The following CEP135 variants were observed in gnomAD, a reference collection of about 807,000 sequenced individuals.
CEP135 encodes the protein centrosomal protein of 135 kDa.
Under a neutral mutation model 157.3 loss-of-function variants are expected in CEP135, and 142 were observed. The observed-to-expected ratio is 0.90, with a 90% CI of 0.79 to 1.04. CEP135 has a LOEUF of 1.04. CEP135 is among the 50% of genes least tolerant of loss of function. The pLI, the probability that CEP135 is intolerant of heterozygous loss-of-function variation, is 0.00. For missense variants in CEP135, 1,317 were observed against 1,309.2 expected (o/e 1.01, Z -0.09); for synonymous variants, 396 against 439.8 (o/e 0.90, Z 1.25).
intron 24 of CEP135, among the ~76,000 whole-genome samples, chr4:56,021,762 T>C (rs1399635663): frequency 6.6e-6 from 1 of 152,220 alleles, no homozygotes; most frequent in Non-Finnish European, 1.5e-5. Flanking sequence ...TGGTGGCTCA[T>C]GCCTGCAATC....
At chr4:55,977,708 C>G (rs1043273575) in intron 11 of CEP135, among the ~76,000 whole-genome samples, 2 of 152,138 alleles carry the variant, frequency 1.3e-5, no homozygotes, top group East Asian at 1.9e-4. Flanking sequence ...ATTCTTTTAG[C>G]AATTTTGAAG....
In CEP135 at chr4:56,033,325, A is replaced by G. The variant is rs1731425585; in HGVS notation, c.*1977A>G. The G allele has an allele frequency of 2.6e-5, 4 of 152,182 alleles. No homozygotes were observed. In the South Asian group the frequency reaches 8.3e-4, roughly 32 times the overall value. The allele number at this position is 152,182 out of a possible 1,614,324, so 9.4% of individuals were successfully genotyped here. A position where few individuals can be genotyped will look rare whatever the true frequency, so the allele number is the denominator to read the frequency against. Reference sequence around the variant, plus strand: ...TGTTTTAAATAATTTTAAATTATGGAGCTTGACCTAGATTTGCCAATAAAC... The same window carrying G: ...TGTTTTAAATAATTTTAAATTATGGGGCTTGACCTAGATTTGCCAATAAAC... On this transcript the variant is annotated 3_prime_UTR_variant, in exon 26 of 26. Coordinates refer to ENST00000257287, the MANE Select transcript of CEP135 (RefSeq NM_025009.5).
intron 21 of CEP135, among the ~76,000 whole-genome samples, chr4:56,013,729 A>G (rs1250113028): frequency 1.3e-5 from 2 of 152,104 alleles, no homozygotes; most frequent in Non-Finnish European, 2.9e-5. Context: ...TTTTGTTTGT[A>G]TAGTTTTATA....
At chr4:55,970,004 G>C (rs1030718339) in intron 9 of CEP135, among the ~76,000 whole-genome samples, 2 of 150,756 alleles carry the variant, frequency 1.3e-5, no homozygotes, top group Non-Finnish European at 2.9e-5. Flanking sequence ...CTTCTGTGTG[G>C]TTAAGACTGC....
chr4:56,022,622 G>A lies in CEP135; in HGVS notation c.3320+1842G>A, dbSNP rs144340037. ...GTACTGAAGAACTCAAGTTCTTTAA[G>A]AGTCTAGGCCAGAGACTATGAATAG... On this transcript the variant is annotated intron_variant, in intron 24 of 25. Coordinates refer to ENST00000257287, the MANE Select transcript of CEP135 (RefSeq NM_025009.5). Among the ~76,000 whole-genome samples, 819 of 152,226 alleles carry A rather than the reference G, an allele frequency of 5.4e-3. 5 individuals are homozygous for A. The highest frequency in any genetic ancestry group is 0.044 in the Middle Eastern group (13 of 294).
At chr4:56,022,888 G>T (rs1731015281) in intron 24 of CEP135, among the ~76,000 whole-genome samples, 1 of 152,218 alleles carries the variant, frequency 6.6e-6, no homozygotes, top group East Asian at 1.9e-4. Flanking sequence ...TTGAGGCCAG[G>T]AATTTAAGAC....
chr4:56,011,837 T>C lies in CEP135; in HGVS notation c.2654T>C (p.Met885Thr), dbSNP rs1005489002. Residue 885 changes from methionine (M) to threonine (T), a missense_variant, in exon 21 of 26, where the codon ATG becomes ACG. Transcript: ENST00000257287. ...ENQDLLDRFQ[M>T]LHNRAEDWEV... Reference sequence around the variant, plus strand: ...CAAGATTTGTTAGATAGATTTCAGATGCTTCATAACCGTGCTGAAGACTGG... The same window carrying C: ...CAAGATTTGTTAGATAGATTTCAGACGCTTCATAACCGTGCTGAAGACTGG... The C allele has an allele frequency of 3.8e-6, 6 of 1,582,800 alleles. No individual in the cohort carries two copies. In the African/African-American group the frequency reaches 8.3e-5, roughly 22 times the overall value.
At chr4:55,981,423 A>G (rs1307936356) in intron 13 of CEP135, 44 bp downstream of exon 13, 1 of 1,529,188 alleles carries the variant, frequency 6.5e-7, no homozygotes, top group South Asian at 1.3e-5. Flanking sequence ...TGTTGAGAAA[A>G]AGAGGTCTTT....
Position 55,981,302 on chromosome 4 carries a change from GA to G in CEP135, c.1706del (p.Lys569ArgfsTer10). On this transcript the variant is annotated frameshift_variant, in exon 13 of 26. Transcript: ENST00000257287. LOFTEE classifies it high-confidence loss of function. ...TAPHNIVSLM[E>X]KEKELALSDL... is the part of the protein sequence containing the mutation. ...ACCCCATAATATTGTTAGTCTTATG[GA>G]AAAGGAAAAAGAACTTGCGTTATCT... 6.3e-7 allele frequency: 1 copy of G among 1,597,410 alleles called. No individual in the cohort carries two copies. The highest frequency in any genetic ancestry group is 1.8e-5 in the Admixed American group (1 of 56,420).
At chr4:56,029,571 T>A (rs1731270920) in intron 25 of CEP135, among the ~76,000 whole-genome samples, 2 of 152,238 alleles carry the variant, frequency 1.3e-5, no homozygotes, top group Admixed American at 1.3e-4. Flanking sequence ...CTGAGAAATT[T>A]GTTTTACATG....
Position 55,995,943 on chromosome 4 carries a change from G to A in CEP135, c.2010-3359G>A, listed in dbSNP as rs867376633. Reference sequence around the variant, plus strand: ...TTATCTGTGTATGTTCAAAACCAGAGGGTATACTCTTATCTAGGATCAAAT... The same window carrying A: ...TTATCTGTGTATGTTCAAAACCAGAAGGTATACTCTTATCTAGGATCAAAT... On this transcript the variant is annotated intron_variant, in intron 15 of 25. Transcript: ENST00000257287. 1.3e-5 allele frequency among the ~76,000 whole-genome samples: 2 copies of A among 152,100 alleles called. 1 individual carries two copies. The highest frequency in any genetic ancestry group is 4.8e-5 in the African/African-American group (2 of 41,404).
intron 15 of CEP135, 93 bp downstream of exon 15, chr4:55,992,178 G>GT: frequency 1.6e-6 from 2 of 1,243,072 alleles, no homozygotes; most frequent in Non-Finnish European, 2.2e-6. Context: ...CTGGGCCTTT[G>GT]TGCAGTAGTT....
At chr4:56,021,078 A>G (rs1037350748) in intron 24 of CEP135, among the ~76,000 whole-genome samples, 2 of 152,356 alleles carry the variant, frequency 1.3e-5, no homozygotes, top group South Asian at 2.1e-4. Context: ...AATATTTCCT[A>G]TAGCATTCCG....
At chr4:55,981,203 A>G in intron 12 of CEP135, 24 bp from the exon 13 acceptor site, 1 of 1,555,922 alleles carries the variant, frequency 6.4e-7, no homozygotes, top group Non-Finnish European at 8.6e-7. Context: ...TGCCTTTTTA[A>G]TTTATATCTT....
At chr4:55,962,395 C>A (rs543475635) in intron 6 of CEP135, among the ~76,000 whole-genome samples, 1 of 152,038 alleles carries the variant, frequency 6.6e-6, no homozygotes, top group Non-Finnish European at 1.5e-5. Flanking sequence ...CCACTATGCC[C>A]GGCCAAAAAA....
Position 55,969,067 on chromosome 4 carries a change from A to G in CEP135, c.1049A>G (p.Glu350Gly), listed in dbSNP as rs772870272. ...TAATAGGCTTTTTATTCCTAGAAAG[A>G]GATTAAAAGAAAGCTCTCTGAAATG... ...ADKELGEAKKEIKRKLSEMQD... is the reference protein window; with the variant it reads ...ADKELGEAKKGIKRKLSEMQD... The change falls in exon 9 of 26, where the codon GAG (glutamate) becomes GGG (glycine). Residue 350 changes from glutamate to glycine, a missense_variant. By Grantham distance (98) the Glu-to-Gly change is moderately conservative (BLOSUM62 -2). Coordinates refer to ENST00000257287, the MANE Select transcript of CEP135 (RefSeq NM_025009.5). The G allele has an allele frequency of 4.3e-6, 7 of 1,609,524 alleles. No individual in the cohort carries two copies. Among genetic ancestry groups the G allele is most frequent in the Non-Finnish European group, 5.1e-6 (6 of 1,177,362 alleles).
intron 15 of CEP135, among the ~76,000 whole-genome samples, chr4:55,995,952 C>A (rs1729956367): frequency 6.6e-6 from 1 of 152,168 alleles, no homozygotes; most frequent in South Asian, 2.1e-4. Flanking sequence ...AGGGTATACT[C>A]TTATCTAGGA....
intron 25 of CEP135, among the ~76,000 whole-genome samples, chr4:56,029,303 A>G (rs188392730): frequency 3.3e-5 from 5 of 152,300 alleles, no homozygotes; most frequent in African/African-American, 1.2e-4. Context: ...TTCATGATCA[A>G]TTCAACCTTC....
chr4:56,017,666 G>T lies in CEP135; in HGVS notation c.2821G>T (p.Ala941Ser), dbSNP rs1225635409. 1 of 1,607,706 alleles carries T rather than the reference G, an allele frequency of 6.2e-7. No homozygotes were observed. The highest frequency in any genetic ancestry group is 1.3e-5 in the African/African-American group (1 of 74,694). ...TTTTCAGCACATAAATGCCCATCATGCTTATGAATCTCAGATCTCATCAAT... is the reference window on the plus strand; with the variant it reads ...TTTTCAGCACATAAATGCCCATCATTCTTATGAATCTCAGATCTCATCAAT... ...EIQEHINAHH[A>S]YESQISSMAK... Residue 941 changes from alanine to serine, a missense_variant, in exon 22 of 26, where the codon GCT becomes TCT. Transcript: ENST00000257287.
Sources: allele counts gnomAD v4.1 joint callset (sites outside exome capture counted in the v4.1 genomes callset), GRCh38; gene constraint gnomAD v4.1.1; transcripts MANE v1.5; gene names NCBI Gene and HGNC (gene_info 2026-07-23, HGNC 2026-07-21).